Variants in ABCB1 observed in about 807,000 individuals in gnomAD.
ABCB1 encodes the protein ATP binding cassette subfamily B member 1.
A neutral mutation model predicts 142.0 loss-of-function variants in ABCB1; 69 were observed. That is an observed-to-expected ratio of 0.49 (90% CI 0.40 to 0.59). The LOEUF (loss-of-function observed/expected upper bound fraction) is 0.59. ABCB1 is among the 20% of genes least tolerant of loss of function. The pLI is 0.00. For synonymous variants in ABCB1, 532 were observed against 539.2 expected, an observed-to-expected ratio of 0.99 and a Z score of 0.18; for missense variants, 1,326 against 1,554.7, an observed-to-expected ratio of 0.85 and a Z score of 2.47.
At chr7:87,600,361 G>A (rs1336065437) in intron 1 of ABCB1, among the ~76,000 whole-genome samples, 171 bp from the exon 2 acceptor site, 1 of 152,178 alleles carries the variant, frequency 6.6e-6, no homozygotes, top group Admixed American at 6.5e-5. Context: ...TCCTGTGCGC[G>A]GGGTCTCCAG....
In ABCB1 at chr7:87,571,060, T is replaced by C. The variant is rs567069059; in HGVS notation, c.287-837A>G. On this transcript the variant is annotated intron_variant, in intron 4 of 27. Transcript: ENST00000622132. Reference sequence around the variant, plus strand: ...ACATATGTTATAAATGTACAAAGAGTAAATATTTTCTAGGATAAATTATCA... The same window carrying C: ...ACATATGTTATAAATGTACAAAGAGCAAATATTTTCTAGGATAAATTATCA... Among the ~76,000 whole-genome samples, 7 of 152,294 alleles carry C rather than the reference T, an allele frequency of 4.6e-5. No homozygotes were observed. In the South Asian group the frequency reaches 1.4e-3, roughly 32 times the overall value.
At position 87,600,614 on chromosome 7, in the gene ABCB1, G is replaced by A. The variant is rs2130004822; in HGVS notation, c.-7+141C>T. 9 of 250,034 alleles carry A rather than the reference G, an allele frequency of 3.6e-5. 1 individual carries two copies. The South Asian group carries it at 4.6e-4, about 13-fold the overall frequency. The allele number at this position is 250,034 out of a possible 1,614,324, so 15.5% of individuals were successfully genotyped here. On this transcript the variant is annotated intron_variant, in intron 1 of 27. Coordinates refer to ENST00000622132, the MANE Select transcript of ABCB1 (RefSeq NM_001348946.2). ...CCTGAGTCTAGATCTAACCCCACTT[G>A]GTCCCCATGGACTTGCCAGAGGACT...
At chr7:87,537,612 T>C (rs560692123) in intron 19 of ABCB1, among the ~76,000 whole-genome samples, 34 of 152,274 alleles carry the variant, frequency 2.2e-4, no homozygotes, top group South Asian at 2.1e-3. Context: ...AAGCTCCATT[T>C]TGGAAATGTT....
rs746654940 is a variant in ABCB1, at chr7:87,553,853, A to G, written c.907T>C (p.Phe303Leu). ...ITANISIGAA[F>L]LLIYASYALA... ...GCATAAGATGCATAGATCAGCAGGAAAGCAGCACCTATAGAAATATTGGCT... is the reference window on the plus strand; with the variant it reads ...GCATAAGATGCATAGATCAGCAGGAGAGCAGCACCTATAGAAATATTGGCT... Residue 303 changes from phenylalanine (F) to leucine (L), a missense_variant, in exon 9 of 28, where the codon TTC becomes CTC. By Grantham distance (22) the Phe-to-Leu change is conservative. Coordinates refer to ENST00000622132, the MANE Select transcript of ABCB1 (RefSeq NM_001348946.2). The G allele has an allele frequency of 9.9e-6, 16 of 1,614,012 alleles. No homozygotes were observed. The highest frequency in any genetic ancestry group is 1.3e-5 in the African/African-American group (1 of 74,936).
At chr7:87,612,489 A>G (rs1055887166) in intron 1 of ABCB1, among the ~76,000 whole-genome samples, 19 of 152,024 alleles carry the variant, frequency 1.2e-4, no homozygotes, top group Admixed American at 7.9e-4. Context: ...TGACTATCCA[A>G]TTTTCTCAGC....
intron 1 of ABCB1, chr7:87,627,899 A>G (rs1445748648): frequency 6.6e-6 from 1 of 152,294 alleles, no homozygotes; most frequent in Non-Finnish European, 1.5e-5. Context: ...TGTCGGCACT[A>G]GACGCGCCAA....
intron 23 of ABCB1, among the ~76,000 whole-genome samples, chr7:87,517,674 T>C (rs1296313100): frequency 1.3e-5 from 2 of 152,230 alleles, no homozygotes; most frequent in East Asian, 3.8e-4. Flanking sequence ...TACATCAGAT[T>C]CTTAAAAACC....
chr7:87,615,047 G>A (rs745604052), intron 1 of ABCB1, among the ~76,000 whole-genome samples: 6 of 152,030 alleles, frequency 3.9e-5, no homozygotes, highest in Non-Finnish European at 7.4e-5. Context: ...GGGTTTCACC[G>A]TGTTAGCCAG....
intron 21 of ABCB1, chr7:87,522,006 C>A: frequency 1.1e-6 from 1 of 895,846 alleles, no homozygotes; most frequent in Non-Finnish European, 1.9e-6. Context: ...AAAGCCCTGT[C>A]AAAGCAAGAG....
chr7:87,712,152 G>C lies in ABCB1; in HGVS notation c.-331+1009C>G, dbSNP rs554240024. ...TACAAAGAAAATAATTGTCATGATT[G>C]TAAGTTTGACCAGGATAGAAAGACT... On this transcript the variant is annotated intron_variant, in intron 1 of 28. Coordinates refer to the ABCB1 transcript ENST00000265724. Among the ~76,000 whole-genome samples, 723 of 152,148 alleles carry C rather than the reference G, an allele frequency of 4.8e-3. 2 individuals carry two copies. Among genetic ancestry groups the C allele is most frequent in the Non-Finnish European group, 8.0e-3 (542 of 67,962 alleles).
chr7:87,576,537 A>G (rs902840022), intron 4 of ABCB1, among the ~76,000 whole-genome samples: 1 of 151,348 alleles, frequency 6.6e-6, no homozygotes, highest in Admixed American at 6.6e-5. Flanking sequence ...TACTGCATGT[A>G]AAGCTCCAAG....
chr7:87,595,769 T>C lies in ABCB1; in HGVS notation c.114A>G (p.Ser38=). The change falls in exon 3 of 28, where the codon TCA becomes TCG. Residue 38 remains serine, a synonymous_variant. Transcript: ENST00000622132. ...AGTTAATAAATTCAAAACTCACCATTGAAAATACACTGACAGTTGGTTTCT... is the reference window on the plus strand; with the variant it reads ...AGTTAATAAATTCAAAACTCACCATCGAAAATACACTGACAGTTGGTTTCT... The part of the protein sequence containing the change: ...KEKKPTVSVF[S]MFRYSNWLDK... The C allele has an allele frequency of 6.2e-7, 1 of 1,608,788 alleles. No individual in the cohort carries two copies. The highest frequency in any genetic ancestry group is 8.5e-7 in the Non-Finnish European group (1 of 1,175,604).
chr7:87,693,002 C>T (rs909816314), intron 1 of ABCB1, among the ~76,000 whole-genome samples: 1 of 152,008 alleles, frequency 6.6e-6, no homozygotes, highest in African/African-American at 2.4e-5. Flanking sequence ...ATTACTAGCT[C>T]TATGTGTTTG....
chr7:87,608,056 G>T (rs1340302285), intron 1 of ABCB1, among the ~76,000 whole-genome samples: 1 of 151,940 alleles, frequency 6.6e-6, no homozygotes, highest in Non-Finnish European at 1.5e-5. Flanking sequence ...TGTTGGATTT[G>T]TCCTCAGAGT....
At chr7:87,602,292 CTTTTTTT>C (rs59849542), upstream of ABCB1, among the ~76,000 whole-genome samples, 4,546 of 92,382 alleles carry the variant, frequency 0.049, 96 homozygotes, top group Middle Eastern at 0.067. Flanking sequence ...AGCTCGGCCT[CTTTTTTT>C]TTTTTTTTTT....
intron 1 of ABCB1, among the ~76,000 whole-genome samples, chr7:87,630,602 C>A (rs1034172937): frequency 6.6e-6 from 1 of 151,390 alleles, no homozygotes; most frequent in African/African-American, 2.4e-5. Context: ...TACAGTGCTT[C>A]TTGGGGGGTA....
intron 23 of ABCB1, among the ~76,000 whole-genome samples, chr7:87,517,649 C>G (rs28401791): frequency 7.4e-4 from 112 of 152,322 alleles, no homozygotes; most frequent in African/African-American, 2.6e-3. Flanking sequence ...CGGATACAGT[C>G]AGTGATGTTG....
intron 9 of ABCB1, among the ~76,000 whole-genome samples, chr7:87,551,244 T>G (rs28746508): frequency 0.013 from 2,054 of 152,226 alleles, 16 homozygotes; most frequent in Non-Finnish European, 0.014. Context: ...CCTGGTCTCC[T>G]GGCCTCAAGC....
chr7:87,563,305 C>G, intron 7 of ABCB1: 1 of 431,236 alleles, frequency 2.3e-6, no homozygotes, highest in Non-Finnish European at 4.7e-6. Flanking sequence ...CCTCTCTGAC[C>G]CATTCTATGA....
Sources: gnomAD v4.1 joint callset for allele counts (sites outside exome capture counted in the v4.1 genomes callset) on GRCh38, gnomAD v4.1.1 for gene constraint, MANE v1.5 for transcripts, NCBI Gene and HGNC (gene_info 2026-07-23, HGNC 2026-07-21) for gene names.